Variants in AFF3 observed in about 807,000 individuals in gnomAD.
AFF3 encodes AF4/FMR2 family member 3.
AFF3 carries 32 observed loss-of-function variants against 129.7 expected under a neutral mutation model. The ratio of observed to expected loss-of-function variants is 0.25; its 90% CI spans 0.19 to 0.33. AFF3 has a LOEUF of 0.33. AFF3 is among the 10% of genes least tolerant of loss of function. AFF3 has a pLI of 1.00. For missense variants in AFF3, 1,373 were observed against 1,592.0 expected, an observed-to-expected ratio of 0.86 and a Z score of 2.34; for synonymous variants, 644 against 635.4, an observed-to-expected ratio of 1.01 and a Z score of -0.20.
chr2:99,981,314 G>A (rs535831145), intron 7 of AFF3, among the ~76,000 whole-genome samples: 47 of 152,206 alleles, frequency 3.1e-4, no homozygotes, highest in African/African-American at 1.0e-3. Context: ...CACCGTGCCC[G>A]GCCCAAAATC....
chr2:99,691,911 C>A (rs1675702835), intron 11 of AFF3, among the ~76,000 whole-genome samples: 1 of 152,196 alleles, frequency 6.6e-6, no homozygotes, highest in Admixed American at 6.5e-5. Flanking sequence ...GTCTTGTTCA[C>A]AAGCATATTT....
chr2:99,597,817 A>G (rs966981660), intron 14 of AFF3, among the ~76,000 whole-genome samples: 1 of 152,208 alleles, frequency 6.6e-6, no homozygotes, highest in Non-Finnish European at 1.5e-5. Flanking sequence ...TTGCTGGCTC[A>G]CTGCTTTATA....
At chr2:99,943,385 T>C (rs558062124) in intron 7 of AFF3, among the ~76,000 whole-genome samples, 8 of 152,326 alleles carry the variant, frequency 5.3e-5, no homozygotes, top group South Asian at 2.1e-4. Flanking sequence ...AATCTTTTGA[T>C]TTAGTTACTA....
At chr2:100,041,429 A>G (rs1188020109) in intron 4 of AFF3, among the ~76,000 whole-genome samples, 1 of 152,222 alleles carries the variant, frequency 6.6e-6, no homozygotes, top group Non-Finnish European at 1.5e-5. Flanking sequence ...TTCAGATGAC[A>G]GGCAGGAAGC....
intron 4 of AFF3, among the ~76,000 whole-genome samples, chr2:100,064,613 T>C (rs1687570850): frequency 6.6e-6 from 1 of 152,240 alleles, no homozygotes; most frequent in Non-Finnish European, 1.5e-5. Context: ...AAATTCCTGT[T>C]ACCTATGCAT....
intron 7 of AFF3, among the ~76,000 whole-genome samples, chr2:99,960,764 T>G (rs1177699451): frequency 6.6e-6 from 1 of 152,128 alleles, no homozygotes; most frequent in African/African-American, 2.4e-5. Flanking sequence ...GAAGAGACAT[T>G]TGCAGGTTCC....
At chr2:99,568,586 G>T (rs924582457) in intron 19 of AFF3, among the ~76,000 whole-genome samples, 1 of 152,126 alleles carries the variant, frequency 6.6e-6, no homozygotes, top group African/African-American at 2.4e-5. Context: ...ACCGCCCACT[G>T]CCTCCACTGG....
intron 17 of AFF3, among the ~76,000 whole-genome samples, chr2:99,582,350 G>C (rs1677652041): frequency 6.6e-6 from 1 of 152,148 alleles, no homozygotes; most frequent in Admixed American, 6.5e-5. Flanking sequence ...AAAAGGGGTG[G>C]TGGTGGGGGT....
At chr2:100,104,807 C>A (rs1346857446) in intron 3 of AFF3, 13 of 340,746 alleles carry the variant, frequency 3.8e-5, no homozygotes, top group Non-Finnish European at 5.1e-5. Flanking sequence ...CAGCCGCCGC[C>A]GCCGCCGCCG....
intron 16 of AFF3, among the ~76,000 whole-genome samples, chr2:99,583,560 T>G (rs1024492635): frequency 2.0e-5 from 3 of 152,168 alleles, no homozygotes; most frequent in Non-Finnish European, 4.4e-5. Flanking sequence ...TTTTTCATAT[T>G]TTTTGTAGAG....
At chr2:100,012,483 G>C (rs1229141672) in intron 4 of AFF3, among the ~76,000 whole-genome samples, 3 of 152,174 alleles carry the variant, frequency 2.0e-5, no homozygotes, top group Non-Finnish European at 4.4e-5. Flanking sequence ...CCCACCCCCT[G>C]TATCTCCCTA....
chr2:100,142,532 GTCTT>G lies in AFF3; in HGVS notation c.-280_-277del, dbSNP rs777815680. The G allele has an allele frequency of 6.6e-6, 1 of 152,336 alleles. No homozygotes were observed. The highest frequency in any genetic ancestry group is 2.4e-5 in the African/African-American group (1 of 41,460). The allele number at this position is 152,336 out of a possible 1,614,324, so 9.4% of individuals were successfully genotyped here. ...TTCTCTCCCCAGTAAGTCGTTGAAC[GTCTT>G]TCTTCTGAGGCTGAGCGTGGAGCTC... is the stretch of plus-strand genomic sequence containing the variant. On this transcript the variant is annotated 5_prime_UTR_variant, in exon 1 of 25. Coordinates refer to ENST00000672756, the MANE Select transcript of AFF3 (RefSeq NM_001386135.1).
intron 12 of AFF3, among the ~76,000 whole-genome samples, chr2:99,670,844 AT>A (rs1317848115): frequency 1.3e-5 from 2 of 152,234 alleles, no homozygotes; most frequent in African/African-American, 2.4e-5. Context: ...AGGAAGGTAT[AT>A]TCACATAGGA....
chr2:99,830,444 T>A (rs1688434019), intron 8 of AFF3, among the ~76,000 whole-genome samples: 1 of 152,218 alleles, frequency 6.6e-6, no homozygotes, highest in African/African-American at 2.4e-5. Context: ...CACCTCCTCC[T>A]GCCACGAAGT....
chr2:99,873,941 G>A (rs1007960848), intron 7 of AFF3, among the ~76,000 whole-genome samples: 51 of 152,076 alleles, frequency 3.4e-4, no homozygotes, highest in African/African-American at 1.1e-3. Flanking sequence ...TTGGGAGGCC[G>A]AGGTGGGCAG....
intron 7 of AFF3, among the ~76,000 whole-genome samples, chr2:99,948,497 T>G (rs1675844936): frequency 6.6e-6 from 1 of 152,262 alleles, no homozygotes; most frequent in Non-Finnish European, 1.5e-5. Context: ...TTTATTCTAT[T>G]GTGTTTCATT....
intron 1 of AFF3, among the ~76,000 whole-genome samples, chr2:100,137,962 G>A (rs1692701891): frequency 6.6e-6 from 1 of 152,176 alleles, no homozygotes; most frequent in Admixed American, 6.5e-5. Context: ...CAATCAGAAT[G>A]AGGATGCAGG....
intron 4 of AFF3, among the ~76,000 whole-genome samples, chr2:100,086,283 G>A (rs957071428): frequency 6.6e-6 from 1 of 152,168 alleles, no homozygotes; most frequent in Admixed American, 6.5e-5. Flanking sequence ...AGCACTTTGG[G>A]AGGCCGAGGT....
intron 7 of AFF3, among the ~76,000 whole-genome samples, chr2:99,978,158 C>T (rs1245105388): frequency 6.6e-6 from 1 of 152,168 alleles, no homozygotes; most frequent in Admixed American, 6.5e-5. Flanking sequence ...TGCCATTTCC[C>T]CTTTTAAAAT....
Sources: allele counts gnomAD v4.1 joint callset (sites outside exome capture counted in the v4.1 genomes callset), GRCh38; gene constraint gnomAD v4.1.1; transcripts MANE v1.5; gene names NCBI Gene and HGNC (gene_info 2026-07-23, HGNC 2026-07-21).